The following GALNT2 variants were observed in gnomAD, a reference collection of about 807,000 sequenced individuals.
GALNT2 encodes the protein polypeptide N-acetylgalactosaminyltransferase 2.
Under a neutral mutation model 81.4 loss-of-function variants are expected in GALNT2, and 31 were observed. That is an observed-to-expected ratio of 0.38 (90% confidence interval 0.29 to 0.51). The LOEUF (loss-of-function observed/expected upper bound fraction) is 0.51, where lower values mean the gene tolerates loss of function less well. GALNT2 is among the 20% of genes least tolerant of loss of function. The pLI is 0.87. For missense variants in GALNT2, 629 were observed against 765.7 expected, an observed-to-expected ratio of 0.82 and a Z score of 2.11; for synonymous variants, 303 against 287.4, an observed-to-expected ratio of 1.05 and a Z score of -0.55.
intron 1 of GALNT2, among the ~76,000 whole-genome samples, chr1:230,086,509 C>T (rs559733916): frequency 6.6e-6 from 1 of 152,328 alleles, no homozygotes; most frequent in South Asian, 2.1e-4. Flanking sequence ...TTGATGCTTT[C>T]TCCATTTTAC....
In GALNT2 at chr1:230,090,107, C is replaced by T. The variant is rs548228000; in HGVS notation, c.126+22701C>T. Among the ~76,000 whole-genome samples, 134 of 152,262 alleles carry T rather than the reference C, an allele frequency of 8.8e-4. 1 individual carries two copies. Among genetic ancestry groups the T allele is most frequent in the African/African-American group, 3.2e-3 (131 of 41,544 alleles). On this transcript the variant is annotated intron_variant, in intron 1 of 15. Transcript: ENST00000366672. ...CATCCTAATGGATATGAAGTGGTAT[C>T]TTGTGATTTTGATTATCATCTTTTT...
chr1:230,235,011 C>A (rs370579397), intron 3 of GALNT2, among the ~76,000 whole-genome samples: 1 of 151,832 alleles, frequency 6.6e-6, no homozygotes, highest in Non-Finnish European at 1.5e-5. Context: ...GCCAGGATTT[C>A]GAGACCAGCC....
intron 1 of GALNT2, among the ~76,000 whole-genome samples, chr1:230,159,539 G>A (rs1309947017): frequency 6.6e-6 from 1 of 152,198 alleles, no homozygotes; most frequent in Non-Finnish European, 1.5e-5. Context: ...TTCTCAGAGG[G>A]GAGGGGACGG....
intron 15 of GALNT2, among the ~76,000 whole-genome samples, chr1:230,277,209 A>G (rs1666326362): frequency 6.6e-6 from 1 of 152,130 alleles, no homozygotes; most frequent in Admixed American, 6.5e-5. Context: ...ATTAGAGAGG[A>G]TGTGGGGGCT....
At chr1:230,167,503 T>C (rs1662647713) in intron 1 of GALNT2, among the ~76,000 whole-genome samples, 1 of 152,218 alleles carries the variant, frequency 6.6e-6, no homozygotes, top group Admixed American at 6.5e-5. Context: ...ACCAGTTGTA[T>C]GGAAGTTAGG....
chr1:230,253,349 T>C (rs780691968), intron 10 of GALNT2, among the ~76,000 whole-genome samples: 47 of 152,184 alleles, frequency 3.1e-4, no homozygotes, highest in Non-Finnish European at 5.7e-4. Flanking sequence ...CATGGTGTTC[T>C]GACCCCTGTG....
At chr1:230,227,376 A>G (rs999410439) in intron 3 of GALNT2, among the ~76,000 whole-genome samples, 1 of 151,732 alleles carries the variant, frequency 6.6e-6, no homozygotes, top group Non-Finnish European at 1.5e-5. Context: ...CAAATTGTTC[A>G]ATTTATGGTT....
At chr1:230,153,434 C>T (rs565883688) in intron 1 of GALNT2, among the ~76,000 whole-genome samples, 23 of 152,010 alleles carry the variant, frequency 1.5e-4, no homozygotes, top group Non-Finnish European at 3.1e-4. Flanking sequence ...GGTCTCTTTG[C>T]GTTTTTAGTT....
intron 10 of GALNT2, among the ~76,000 whole-genome samples, chr1:230,251,443 A>G (rs1008991712): frequency 6.6e-6 from 1 of 152,150 alleles, no homozygotes; most frequent in Non-Finnish European, 1.5e-5. Context: ...CCATTGTTTT[A>G]TGATGTTGAA....
At position 230,275,134 on chromosome 1, in the gene GALNT2, C is replaced by T. The variant is rs1424133882; in HGVS notation, c.1560+570C>T. 1.3e-5 allele frequency among the ~76,000 whole-genome samples: 2 copies of T among 150,512 alleles called. No homozygotes were observed. The highest frequency in any genetic ancestry group is 3.9e-4 in the East Asian group (2 of 5,098). On this transcript the variant is annotated intron_variant, in intron 15 of 15. Transcript: ENST00000366672. This position sits in a 1 kb window ranked among gnomAD's most constrained non-coding sequence, Gnocchi z 5.5. ...CATATATATACATATATATACACAC[C>T]ACATATACATATATACACACCACAT...
intron 1 of GALNT2, among the ~76,000 whole-genome samples, chr1:230,083,253 A>C (rs543574898): frequency 7.3e-6 from 1 of 136,898 alleles, no homozygotes; most frequent in African/African-American, 3.1e-5. Flanking sequence ...ATGATGGAGC[A>C]GGCAGCCAGG....
intron 12 of GALNT2, 124 bp from the exon 13 acceptor site, chr1:230,262,798 C>T: frequency 7.8e-7 from 1 of 1,278,208 alleles, no homozygotes; most frequent in Non-Finnish European, 1.1e-6. Flanking sequence ...GGCACAGGAG[C>T]ATGGGCAGTC....
chr1:230,229,579 A>G (rs1263066664), intron 3 of GALNT2, among the ~76,000 whole-genome samples: 1 of 152,190 alleles, frequency 6.6e-6, no homozygotes, highest in East Asian at 1.9e-4. Flanking sequence ...ACTTGTGGGT[A>G]AATAATGCAG....
intron 1 of GALNT2, among the ~76,000 whole-genome samples, chr1:230,071,157 A>G (rs1457842828): frequency 6.6e-6 from 1 of 152,370 alleles, no homozygotes; most frequent in Non-Finnish European, 1.5e-5. Context: ...TCTTAAGTTC[A>G]CGGTATTCCT....
chr1:230,104,961 C>T (rs1660499330), intron 1 of GALNT2, among the ~76,000 whole-genome samples: 1 of 152,196 alleles, frequency 6.6e-6, no homozygotes. Flanking sequence ...GGGAAAGTGT[C>T]AGAGAAACAG....
intron 1 of GALNT2, among the ~76,000 whole-genome samples, chr1:230,080,380 G>T: frequency 6.6e-6 from 1 of 152,192 alleles, no homozygotes; most frequent in East Asian, 1.9e-4. Context: ...GACCCAGGGA[G>T]CAGGCCTTGA....
intron 11 of GALNT2, among the ~76,000 whole-genome samples, chr1:230,258,168 G>A (rs1665771350): frequency 6.6e-6 from 1 of 152,102 alleles, no homozygotes; most frequent in South Asian, 2.1e-4. Flanking sequence ...GCCCACCTCG[G>A]CCTCCCAAAG....
chr1:230,203,969 C>T (rs993778910), intron 3 of GALNT2, among the ~76,000 whole-genome samples: 3 of 152,164 alleles, frequency 2.0e-5, no homozygotes, highest in Non-Finnish European at 4.4e-5. Context: ...GGACTACAGG[C>T]ATTCACCACT....
upstream of GALNT2, chr1:230,067,184 C>T (rs1359240087): frequency 4.3e-6 from 3 of 705,278 alleles, no homozygotes; most frequent in East Asian, 4.9e-5. Flanking sequence ...GCGCCCTTCC[C>T]CTTCCTCCGC....
Sources: allele counts gnomAD v4.1 joint callset (sites outside exome capture counted in the v4.1 genomes callset), GRCh38; gene constraint gnomAD v4.1.1; non-coding constraint Gnocchi (gnomAD v3.1); transcripts MANE v1.5; gene names NCBI Gene and HGNC (gene_info 2026-07-23, HGNC 2026-07-21).